Variants in RUNDC3B observed in about 807,000 individuals in gnomAD.
The protein encoded by RUNDC3B is RUN domain containing 3B, also known as RUN domain-containing protein 3B.
Under a neutral mutation model 58.4 loss-of-function variants are expected in RUNDC3B, and 33 were observed. The ratio of observed to expected loss-of-function variants is 0.56; its 90% CI spans 0.43 to 0.75. The LOEUF is 0.75. Ranked by LOEUF, RUNDC3B falls within the 30% of genes least tolerant of loss-of-function variation. The pLI, the probability that RUNDC3B is intolerant of heterozygous loss-of-function variation, is 0.00. For synonymous variants in RUNDC3B, 193 were observed against 195.2 expected (o/e 0.99, Z 0.10); for missense variants, 501 against 535.7 (o/e 0.94, Z 0.64).
chr7:87,676,498 C>T (rs1251861372), intron 2 of RUNDC3B, among the ~76,000 whole-genome samples: 1 of 151,952 alleles, frequency 6.6e-6, no homozygotes, highest in East Asian at 1.9e-4. Context: ...GTCAGGAGTT[C>T]AAGACAACCA....
At chr7:87,778,086 GA>G in intron 8 of RUNDC3B, 131 bp downstream of exon 8, 1 of 718,008 alleles carries the variant, frequency 1.4e-6, no homozygotes, top group Non-Finnish European at 2.2e-6. Context: ...ACACTTTTTT[GA>G]AAGTTTACTT....
chr7:87,750,977 A>T (rs1160757159), intron 6 of RUNDC3B, among the ~76,000 whole-genome samples: 1 of 152,030 alleles, frequency 6.6e-6, no homozygotes, highest in Non-Finnish European at 1.5e-5. Flanking sequence ...TGAATGGTAA[A>T]GCCTAGGTTT....
At chr7:87,639,219 C>A (rs1465892868) in intron 1 of RUNDC3B, among the ~76,000 whole-genome samples, 2 of 150,240 alleles carry the variant, frequency 1.3e-5, no homozygotes, top group African/African-American at 4.9e-5. Context: ...TTTTAGTAAC[C>A]TTTTATTTGT....
chr7:87,797,376 T>C (rs1835875406), intron 8 of RUNDC3B, among the ~76,000 whole-genome samples: 2 of 152,154 alleles, frequency 1.3e-5, no homozygotes, highest in South Asian at 2.1e-4. Flanking sequence ...TAAGTTTAAA[T>C]TTTTTTAGCA....
In RUNDC3B at chr7:87,777,913, A is replaced by C. The variant is rs761851717; in HGVS notation, c.914A>C (p.Lys305Thr). 6.2e-7 allele frequency: 1 copy of C among 1,613,602 alleles called. No individual in the cohort carries two copies. ...EDSDLAHKLEKEQLEYIIVEL... is the reference protein window; with the variant it reads ...EDSDLAHKLETEQLEYIIVEL... ...TCCGATCTGGCTCATAAACTGGAGA[A>C]GGAACAATTAGAATATATAATTGTG... Residue 305 changes from lysine to threonine, a missense_variant, in exon 8 of 11, where the codon AAG becomes ACG. Lys to Thr is a moderately conservative substitution (Grantham distance 78). Coordinates refer to ENST00000394654, the MANE Select transcript of RUNDC3B (RefSeq NM_001134405.2).
intron 2 of RUNDC3B, among the ~76,000 whole-genome samples, chr7:87,682,351 C>T (rs1293230944): frequency 2.6e-5 from 4 of 152,178 alleles, no homozygotes; most frequent in Non-Finnish European, 4.4e-5. Flanking sequence ...TCATAAATCT[C>T]GAATGTTCTT....
rs1230514496 is a variant in RUNDC3B at position 87,715,343 on chromosome 7, TA to T, written c.458+4690del. 4.7e-3 allele frequency among the ~76,000 whole-genome samples: 555 copies of T among 118,592 alleles called. 8 individuals are homozygous for T. Among genetic ancestry groups the T allele is most frequent in the African/African-American group, 0.018 (522 of 28,234 alleles). 77.8% of individuals were successfully genotyped at this position (118,592 alleles called of 152,430 possible). On this transcript the variant is annotated intron_variant, in intron 4 of 10. Transcript: ENST00000394654. ...ATAATAATTATATATAATTAATTTA[TA>T]ATAATTATATATAATTAATTTATAA...
intron 2 of RUNDC3B, among the ~76,000 whole-genome samples, chr7:87,674,021 G>A (rs532419415): frequency 4.1e-4 from 63 of 152,270 alleles, no homozygotes; most frequent in Middle Eastern, 3.4e-3. Context: ...TAACTCTGGG[G>A]AACTGGTACC....
intron 8 of RUNDC3B, among the ~76,000 whole-genome samples, chr7:87,795,299 G>T (rs1294284696): frequency 6.6e-6 from 1 of 152,092 alleles, no homozygotes; most frequent in African/African-American, 2.4e-5. Flanking sequence ...CAAATTATCT[G>T]ATTAAAAAGT....
chr7:87,629,044 C>G (rs542653541), intron 1 of RUNDC3B, 99 bp downstream of exon 1: 1 of 1,114,528 alleles, frequency 9.0e-7, no homozygotes, highest in African/African-American at 1.6e-5. Flanking sequence ...GATGGGCTGC[C>G]GCCCAGTGCC....
At chr7:87,715,350 T>G (rs1830480563) in intron 4 of RUNDC3B, among the ~76,000 whole-genome samples, 1 of 118,250 alleles carries the variant, frequency 8.5e-6, no homozygotes. Flanking sequence ...TTATAATAAT[T>G]ATATATAATT....
intron 3 of RUNDC3B, chr7:87,709,298 T>TTG: frequency 1.0e-6 from 1 of 985,244 alleles, no homozygotes; most frequent in Middle Eastern, 5.2e-4. Flanking sequence ...ATTGGTGAAA[T>TTG]TGTAGCCTTT....
intron 6 of RUNDC3B, among the ~76,000 whole-genome samples, chr7:87,751,615 C>T (rs1335462163): frequency 6.6e-6 from 1 of 151,992 alleles, no homozygotes; most frequent in Non-Finnish European, 1.5e-5. Context: ...AAGTTGGATT[C>T]CTAGGTATTT....
At chr7:87,759,334 G>A (rs746558210) in intron 6 of RUNDC3B, among the ~76,000 whole-genome samples, 1 of 152,040 alleles carries the variant, frequency 6.6e-6, no homozygotes, top group African/African-American at 2.4e-5. Flanking sequence ...CCTGGAAAGG[G>A]TAGCAAGGGA....
intron 2 of RUNDC3B, among the ~76,000 whole-genome samples, chr7:87,653,233 TTTTA>T (rs1458673446): frequency 1.3e-5 from 2 of 152,068 alleles, no homozygotes; most frequent in African/African-American, 4.8e-5. Context: ...ATTTTTGAAC[TTTTA>T]TTTATTTATT....
chr7:87,694,259 T>G (rs868504314), intron 2 of RUNDC3B, among the ~76,000 whole-genome samples: 1 of 152,160 alleles, frequency 6.6e-6, no homozygotes, highest in African/African-American at 2.4e-5. Context: ...TGTATGAATA[T>G]TCCAGTCTCA....
intron 2 of RUNDC3B, among the ~76,000 whole-genome samples, chr7:87,694,826 A>G (rs1269186535): frequency 4.6e-5 from 7 of 152,172 alleles, no homozygotes; most frequent in Non-Finnish European, 1.0e-4. Flanking sequence ...AGCCTATTAA[A>G]TTGATTCAAT....
Position 87,832,182 on chromosome 7 carries a change from C to T in RUNDC3B, c.*2152C>T, listed in dbSNP as rs1838160361. ...TTTAGGTGGTAGTGTTTATTGTTCA[C>T]CCTCCCTCTTGCCTCCAAAAGAATG... is the stretch of plus-strand genomic sequence containing the variant. On this transcript the variant is annotated 3_prime_UTR_variant, in exon 11 of 11. Coordinates refer to ENST00000394654, the MANE Select transcript of RUNDC3B (RefSeq NM_001134405.2). The T allele has an allele frequency of 6.6e-6, 1 of 151,890 alleles. No individual in the cohort carries two copies. The highest frequency in any genetic ancestry group is 1.5e-5 in the Non-Finnish European group (1 of 67,892). 9.4% of individuals were successfully genotyped at this position (151,890 alleles called of 1,614,324 possible). A position where few individuals can be genotyped will look rare whatever the true frequency, so the allele number is the denominator to read the frequency against.
At chr7:87,738,799 C>T (rs556317588) in intron 4 of RUNDC3B, among the ~76,000 whole-genome samples, 30 of 151,810 alleles carry the variant, frequency 2.0e-4, no homozygotes, top group Non-Finnish European at 3.1e-4. Flanking sequence ...TGTAAAAATA[C>T]TTAGTAAGCT....
Sources: allele counts gnomAD v4.1 joint callset (sites outside exome capture counted in the v4.1 genomes callset), GRCh38; gene constraint gnomAD v4.1.1; transcripts MANE v1.5; gene names NCBI Gene and HGNC (gene_info 2026-07-23, HGNC 2026-07-21).